ROBO2: variants seen among roughly 807,000 people sequenced by gnomAD.
The protein encoded by ROBO2 is roundabout guidance receptor 2.
ROBO2 carries 53 observed loss-of-function variants against 160.8 expected under a neutral mutation model. The observed-to-expected ratio is 0.33, with a 90% CI of 0.26 to 0.41. The LOEUF (loss-of-function observed/expected upper bound fraction) is 0.41. Among genes scored for constraint, ROBO2 ranks in the 10% least tolerant of loss-of-function variants. The probability of loss-of-function intolerance (pLI) is 1.00; values close to 1 mark genes in which losing one functional copy is unlikely to be tolerated. For missense variants in ROBO2, 1,577 were observed against 1,722.4 expected (o/e 0.92, Z 1.49); for synonymous variants, 664 against 611.7 (o/e 1.09, Z -1.26).
intron 2 of ROBO2, among the ~76,000 whole-genome samples, chr3:77,029,415 T>C (rs1011632453): frequency 2.0e-5 from 3 of 152,194 alleles, no homozygotes; most frequent in Non-Finnish European, 4.4e-5. Context: ...GGCTAATTCT[T>C]CTATTTTAAA....
chr3:76,427,774 T>A (rs2076278392), intron 2 of ROBO2, among the ~76,000 whole-genome samples: 1 of 152,174 alleles, frequency 6.6e-6, no homozygotes, highest in Admixed American at 6.6e-5. Flanking sequence ...GTAATCTGAT[T>A]TTATAGCTAT....
At position 77,293,313 on chromosome 3, in the gene ROBO2, A is replaced by G. The variant is rs557030845; in HGVS notation, c.389-184101A>G. Among the ~76,000 whole-genome samples the G allele has an allele frequency of 1.6e-3, 240 of 147,808 alleles. 2 individuals are homozygous for G. The highest frequency in any genetic ancestry group is 3.6e-3 in the Middle Eastern group (1 of 278). ...GACATAAAGTAAAATTGATGGTTAA[A>G]CGGGAAGTTGAGGCTAGAACAGTAA... On this transcript the variant is annotated intron_variant, in intron 2 of 25. Coordinates refer to ENST00000461745, the Ensembl canonical transcript of ROBO2.
intron 2 of ROBO2, among the ~76,000 whole-genome samples, chr3:77,109,662 C>T (rs1474726954): frequency 1.3e-5 from 2 of 152,200 alleles, no homozygotes; most frequent in African/African-American, 4.8e-5. Context: ...CTGTGTTTCA[C>T]ACTTATGGCT....
chr3:77,080,283 A>G (rs546453372), intron 1 of ROBO2, among the ~76,000 whole-genome samples: 99 of 152,322 alleles, frequency 6.5e-4, no homozygotes, highest in South Asian at 2.5e-3. Context: ...ACTGTGGAAG[A>G]CAATCGCAGA....
At chr3:76,133,486 G>A (rs1159473166) in intron 2 of ROBO2, among the ~76,000 whole-genome samples, 1 of 151,868 alleles carries the variant, frequency 6.6e-6, no homozygotes, top group Non-Finnish European at 1.5e-5. Context: ...AGTTTACTGG[G>A]AGAATTGACT....
intron 2 of ROBO2, among the ~76,000 whole-genome samples, chr3:76,830,536 T>G (rs1218131845): frequency 6.6e-6 from 1 of 152,170 alleles, no homozygotes; most frequent in Non-Finnish European, 1.5e-5. Flanking sequence ...TTATTTTTAG[T>G]GTTTTCCACA....
chr3:76,764,589 T>C (rs1450326152), intron 2 of ROBO2, among the ~76,000 whole-genome samples: 1 of 151,748 alleles, frequency 6.6e-6, no homozygotes, highest in Non-Finnish European at 1.5e-5. Context: ...TACTACCACT[T>C]ATATATCTTA....
At chr3:77,342,549 T>G (rs2067180736) in intron 2 of ROBO2, among the ~76,000 whole-genome samples, 1 of 152,176 alleles carries the variant, frequency 6.6e-6, no homozygotes, top group Non-Finnish European at 1.5e-5. Flanking sequence ...TTCTATAAAC[T>G]GCGTCTGAAT....
chr3:76,354,894 T>G (rs2108319406), intron 2 of ROBO2, among the ~76,000 whole-genome samples: 1 of 152,040 alleles, frequency 6.6e-6, no homozygotes, highest in South Asian at 2.1e-4. Flanking sequence ...TTTCTCCATT[T>G]ATTCATTTTA....
At chr3:77,438,621 AAT>A (rs2079580057) in intron 2 of ROBO2, among the ~76,000 whole-genome samples, 1 of 151,764 alleles carries the variant, frequency 6.6e-6, no homozygotes, top group South Asian at 2.1e-4. Flanking sequence ...TATTAATATC[AAT>A]AGTTATGTTT....
intron 2 of ROBO2, among the ~76,000 whole-genome samples, chr3:76,082,682 C>T (rs1019691805): frequency 1.3e-5 from 2 of 151,954 alleles, no homozygotes; most frequent in Admixed American, 1.3e-4. Flanking sequence ...AAATAACAGT[C>T]GCTGCTACTC....
At chr3:76,097,354 C>G (rs76206595) in intron 2 of ROBO2, among the ~76,000 whole-genome samples, 3,829 of 152,234 alleles carry the variant, frequency 0.025, 144 homozygotes, top group African/African-American at 0.08. Context: ...ATGGTCCGTT[C>G]TTGGGACTGC....
rs188014069 is a variant in ROBO2 at position 77,239,848 on chromosome 3, C to T, written c.388+141508C>T. Among the ~76,000 whole-genome samples, 516 of 152,270 alleles carry T rather than the reference C, an allele frequency of 3.4e-3. 2 individuals are homozygous for T. Among genetic ancestry groups the T allele is most frequent in the Non-Finnish European group, 5.7e-3 (386 of 68,026 alleles). Reference sequence around the variant, plus strand: ...GAGTGCTGATTGGTGCATTTACAATCCTTTAGCTAGATGTAAAAGTTCTCC... The same window carrying T: ...GAGTGCTGATTGGTGCATTTACAATTCTTTAGCTAGATGTAAAAGTTCTCC... On this transcript the variant is annotated intron_variant, in intron 2 of 25. Transcript: ENST00000461745.
intron 19 of ROBO2, 52 bp downstream of exon 20, chr3:77,596,802 T>C (rs1391727818): frequency 6.3e-7 from 1 of 1,599,568 alleles, no homozygotes; most frequent in Admixed American, 1.7e-5. Context: ...TCTCTTTTTT[T>C]TTTTTTGACC....
At chr3:76,272,893 A>C (rs7355839) in intron 2 of ROBO2, among the ~76,000 whole-genome samples, 2 of 37,174 alleles carry the variant, frequency 5.4e-5, no homozygotes, top group Admixed American at 5.0e-4. Flanking sequence ...TATATATAAA[A>C]ATATAATATA....
At chr3:76,172,451 AAAAG>A (rs1329068954) in intron 2 of ROBO2, among the ~76,000 whole-genome samples, 3 of 151,600 alleles carry the variant, frequency 2.0e-5, no homozygotes, top group East Asian at 1.9e-4. Context: ...AAAAAAAAAA[AAAAG>A]AAAACTACTG....
chr3:76,969,874 T>C (rs1054739333), intron 2 of ROBO2, among the ~76,000 whole-genome samples: 3 of 152,092 alleles, frequency 2.0e-5, no homozygotes, highest in African/African-American at 7.2e-5. Context: ...CTAGAATGTT[T>C]TTAAAGCAGA....
chr3:76,710,785 T>G (rs2093277169), intron 2 of ROBO2, among the ~76,000 whole-genome samples: 1 of 152,064 alleles, frequency 6.6e-6, no homozygotes, highest in Admixed American at 6.6e-5. Flanking sequence ...CTTAGAGAAA[T>G]GAGCTAAAGA....
chr3:77,386,497 T>C (rs1022031254), intron 2 of ROBO2, among the ~76,000 whole-genome samples: 2 of 152,054 alleles, frequency 1.3e-5, no homozygotes, highest in Admixed American at 6.6e-5. Context: ...CTTTGAGTGT[T>C]ACATCAGGTA....
Sources: allele counts gnomAD v4.1 joint callset (sites outside exome capture counted in the v4.1 genomes callset), GRCh38; gene constraint gnomAD v4.1.1; transcripts MANE v1.5; gene names NCBI Gene and HGNC (gene_info 2026-07-23, HGNC 2026-07-21).